The following MGAT5B variants were observed in gnomAD, a reference collection of about 807,000 sequenced individuals.
MGAT5B encodes alpha-1,6-mannosylglycoprotein 6-beta-N-acetylglucosaminyltransferase B.
A neutral mutation model predicts 95.1 loss-of-function variants in MGAT5B; 54 were observed. The observed-to-expected ratio is 0.57, with a 90% confidence interval of 0.46 to 0.71. The LOEUF (loss-of-function observed/expected upper bound fraction) is 0.71, where lower values mean the gene tolerates loss of function less well. MGAT5B is among the 30% of genes least tolerant of loss of function. The pLI, the probability that MGAT5B is intolerant of heterozygous loss-of-function variation, is 0.00. For missense variants in MGAT5B, 935 were observed against 1,088.6 expected, an observed-to-expected ratio of 0.86 and a Z score of 1.99; for synonymous variants, 464 against 451.0, an observed-to-expected ratio of 1.03 and a Z score of -0.36.
At chr17:76,946,784 T>A (rs1353029285) in intron 16 of MGAT5B, among the ~76,000 whole-genome samples, 1 of 152,206 alleles carries the variant, frequency 6.6e-6, no homozygotes, top group Non-Finnish European at 1.5e-5. Context: ...GGTAACTGAA[T>A]GGGAAGTGAA....
rs948931260 is a variant in MGAT5B, at chr17:76,946,371, C to T, written c.1849-5C>T. On this transcript the variant is annotated splice_region_variant and splice_polypyrimidine_tract_variant and intron_variant, in intron 15 of 17. Transcript: ENST00000569840. ...GCCCCATGTGTCTGCCCATCCCTCC[C>T]ACAGGTAGACCCCTACCTACCCTAC... is the stretch of plus-strand genomic sequence containing the variant. The T allele has an allele frequency of 1.5e-5, 24 of 1,605,128 alleles. No homozygotes were observed. In the Admixed American group the frequency reaches 3.0e-4, roughly 20 times the overall value.
chr17:76,930,258 T>C lies in MGAT5B; in HGVS notation c.1292-2387T>C, dbSNP rs925479042. On this transcript the variant is annotated intron_variant, in intron 10 of 17. Transcript: ENST00000569840. This position sits in a 1 kb window ranked among gnomAD's most constrained non-coding sequence, Gnocchi z 4.1. ...GGCACTTACACAGGAAAGCATCATCTCTTCTAAGCTGTACCAGATGTTGAT... is the reference window on the plus strand; with the variant it reads ...GGCACTTACACAGGAAAGCATCATCCCTTCTAAGCTGTACCAGATGTTGAT... 2.6e-5 allele frequency among the ~76,000 whole-genome samples: 4 copies of C among 151,760 alleles called. No individual in the cohort carries two copies. The highest frequency in any genetic ancestry group is 6.6e-5 in the Admixed American group (1 of 15,246).
rs1027171107 is a variant in MGAT5B at position 76,949,642 on chromosome 17, C to T, written c.*804C>T. The T allele has an allele frequency of 1.3e-5, 2 of 152,172 alleles. No homozygotes were observed. The highest frequency in any genetic ancestry group is 4.8e-5 in the African/African-American group (2 of 41,412). 9.4% of individuals were successfully genotyped at this position (152,172 alleles called of 1,614,324 possible). The stretch of plus-strand genomic sequence containing the variant: ...AAACCCATCCTGGCATGACCTGCAA[C>T]TCCAGGTGGTGGATTTGTTCCAAAG... On this transcript the variant is annotated 3_prime_UTR_variant, in exon 18 of 18. Transcript: ENST00000569840.
intron 2 of MGAT5B, among the ~76,000 whole-genome samples, chr17:76,873,331 A>C (rs983476625): frequency 6.6e-6 from 1 of 152,224 alleles, no homozygotes; most frequent in Non-Finnish European, 1.5e-5. Flanking sequence ...GGCTGTGGCC[A>C]TGTGGGAACG....
At chr17:76,924,855 G>A in intron 8 of MGAT5B, 111 bp from the exon 9 acceptor site, 1 of 1,357,678 alleles carries the variant, frequency 7.4e-7, no homozygotes, top group African/African-American at 1.4e-5. Flanking sequence ...CTGAGAGTCT[G>A]TGCTAAGCTC....
At chr17:76,900,780 T>G (rs1968274718) in intron 3 of MGAT5B, among the ~76,000 whole-genome samples, 1 of 152,244 alleles carries the variant, frequency 6.6e-6, no homozygotes, top group Non-Finnish European at 1.5e-5. Flanking sequence ...GGTGGCATTT[T>G]TTATTTTAAG....
chr17:76,882,364 G>A (rs1026638371), intron 3 of MGAT5B, 66 bp downstream of exon 3: 418 of 1,519,166 alleles, frequency 2.8e-4, no homozygotes, highest in Non-Finnish European at 3.5e-4. Context: ...TCCATCCGGG[G>A]TGCTGTCCGT....
At chr17:76,871,657 A>C (rs1371519944) in intron 1 of MGAT5B, among the ~76,000 whole-genome samples, 1 of 152,262 alleles carries the variant, frequency 6.6e-6, no homozygotes, top group African/African-American at 2.4e-5. Flanking sequence ...AGACACAAAC[A>C]AGCATGGAAC....
At position 76,906,412 on chromosome 17, in the gene MGAT5B, G is replaced by A. The variant is rs552091; in HGVS notation, c.1025+225G>A. ...TGGCAGGGAAGTGTATTTGCATAGC[G>A]CTGTCTGGCCAGGGCCTGGCTCCTT... is the stretch of plus-strand genomic sequence containing the variant. On this transcript the variant is annotated intron_variant, in intron 8 of 17. Transcript: ENST00000569840. The surrounding 1 kb of genome is among the most constrained non-coding windows in gnomAD (Gnocchi z 4.6). 0.13 allele frequency among the ~76,000 whole-genome samples: 20,544 copies of A among 152,214 alleles called. 1,806 individuals are homozygous for A. The highest frequency in any genetic ancestry group is 0.22 in the African/African-American group (9,222 of 41,516).
At position 76,899,532 on chromosome 17, in the gene MGAT5B, G is replaced by A. The variant is rs143004749; in HGVS notation, c.330-3023G>A. ...CATGCCTATTGTCCCAGCTACTTGG[G>A]AAACTGAAGTGGGATGATGGCTTGA... On this transcript the variant is annotated intron_variant, in intron 3 of 17. Coordinates refer to ENST00000569840, the MANE Select transcript of MGAT5B (RefSeq NM_001199172.2). 3.3e-3 allele frequency among the ~76,000 whole-genome samples: 510 copies of A among 152,292 alleles called. 4 individuals carry two copies. Among genetic ancestry groups the A allele is most frequent in the African/African-American group, 0.011 (477 of 41,554 alleles).
At chr17:76,939,672 C>T (rs577434932) in intron 13 of MGAT5B, among the ~76,000 whole-genome samples, 1 of 152,262 alleles carries the variant, frequency 6.6e-6, no homozygotes, top group Non-Finnish European at 1.5e-5. Flanking sequence ...TTACCCCCTT[C>T]CTCCTCCCCA....
chr17:76,923,828 T>C (rs1016866698), intron 8 of MGAT5B: 4 of 151,996 alleles, frequency 2.6e-5, no homozygotes, highest in Non-Finnish European at 5.9e-5. Flanking sequence ...GGAGGGGGTG[T>C]TTGGGGAAGC....
rs890924677 is a variant in MGAT5B at position 76,870,658 on chromosome 17, A to G, written c.68+1561A>G. ...AAGGCAGGATTGGGGGTGGAGGTGC[A>G]TGGGTCCCCAAAGTTGTGTAACTTC... On this transcript the variant is annotated intron_variant, in intron 1 of 17. Transcript: ENST00000569840. The surrounding 1 kb of genome is among the most constrained non-coding windows in gnomAD (Gnocchi z 5.0). Among the ~76,000 whole-genome samples, 1 of 151,786 alleles carries G rather than the reference A, an allele frequency of 6.6e-6. No individual in the cohort carries two copies. The highest frequency in any genetic ancestry group is 2.4e-5 in the African/African-American group (1 of 41,308).
At chr17:76,900,706 G>A (rs1293236015) in intron 3 of MGAT5B, among the ~76,000 whole-genome samples, 1 of 152,258 alleles carries the variant, frequency 6.6e-6, no homozygotes, top group East Asian at 1.9e-4. Context: ...AGAAATGGGT[G>A]TGGTTTTAAG....
At position 76,904,368 on chromosome 17, in the gene MGAT5B, C is replaced by G. The variant is rs999682478; in HGVS notation, c.636C>G (p.Pro212=). 3.8e-6 allele frequency: 6 copies of G among 1,581,870 alleles called. No homozygotes were observed. The African/African-American group carries it at 5.4e-5, about 14-fold the overall frequency. ...SEVEWFCPPL[P]WRNQTAAQRA... is the part of the protein sequence containing the mutation. ...TCGAGTGGTTCTGCCCCCCGCTGCC[C>G]TGGAGGAACCAGACGGCTGCCCAGA... Residue 212 remains proline, a synonymous_variant, in exon 6 of 18, where the codon CCC becomes CCG. Coordinates refer to ENST00000569840, the MANE Select transcript of MGAT5B (RefSeq NM_001199172.2).
intron 1 of MGAT5B, among the ~76,000 whole-genome samples, chr17:76,871,752 A>C (rs952578252): frequency 1.3e-5 from 2 of 151,958 alleles, no homozygotes; most frequent in African/African-American, 4.8e-5. Context: ...TCCACACAAG[A>C]TGGGGTTCCT....
intron 12 of MGAT5B, 61 bp from the exon 13 acceptor site, chr17:76,937,927 C>A: frequency 6.3e-7 from 1 of 1,592,410 alleles, no homozygotes; most frequent in Non-Finnish European, 8.6e-7. Flanking sequence ...GGGATCTCCT[C>A]CATGGACTTT....
chr17:76,890,793 G>A (rs62084712), intron 3 of MGAT5B, among the ~76,000 whole-genome samples: 13,240 of 151,982 alleles, frequency 0.087, 832 homozygotes, highest in Admixed American at 0.19. Context: ...GTGAGTCACC[G>A]TGCCCGGCCT....
intron 3 of MGAT5B, among the ~76,000 whole-genome samples, chr17:76,888,990 G>A (rs375387046): frequency 2.6e-5 from 4 of 152,190 alleles, no homozygotes; most frequent in Non-Finnish European, 4.4e-5. Flanking sequence ...CACGAGGGTC[G>A]GCCTTGGGAA....
Sources: allele counts gnomAD v4.1 joint callset (sites outside exome capture counted in the v4.1 genomes callset), GRCh38; gene constraint gnomAD v4.1.1; non-coding constraint Gnocchi (gnomAD v3.1); transcripts MANE v1.5; gene names NCBI Gene and HGNC (gene_info 2026-07-23, HGNC 2026-07-21).